The following MGST2 variants were observed in gnomAD, a reference collection of about 807,000 sequenced individuals.
MGST2 encodes glutathione peroxidase MGST2.
MGST2 carries 9 observed loss-of-function variants against 16.6 expected under a neutral mutation model. The ratio of observed to expected loss-of-function variants is 0.54; its 90% CI spans 0.33 to 0.95. The LOEUF is 0.95. MGST2 is among the 40% of genes least tolerant of loss of function. The probability of loss-of-function intolerance (pLI) is 0.03; values close to 1 mark genes in which losing one functional copy is unlikely to be tolerated. For synonymous variants in MGST2, 79 were observed against 68.0 expected (o/e 1.16, Z -0.79); for missense variants, 159 against 175.1 (o/e 0.91, Z 0.52).
chr4:139,680,650 G>A (rs1731194381), intron 2 of MGST2, among the ~76,000 whole-genome samples: 1 of 152,144 alleles, frequency 6.6e-6, no homozygotes, highest in Admixed American at 6.5e-5. Flanking sequence ...CCCTTCAGAA[G>A]CTTCCTGAGA....
chr4:139,672,170 G>A (rs779810527), intron 1 of MGST2, among the ~76,000 whole-genome samples: 7 of 152,158 alleles, frequency 4.6e-5, no homozygotes, highest in South Asian at 2.1e-4. Context: ...TGCAATTAAC[G>A]TAAGAAAAGA....
At chr4:139,734,110 C>T (rs1205084439) in intron 5 of MGST2, among the ~76,000 whole-genome samples, 1 of 152,198 alleles carries the variant, frequency 6.6e-6, no homozygotes, top group Admixed American at 6.5e-5. Flanking sequence ...GAGGTGTATT[C>T]CAAAGTGTGA....
chr4:139,722,295 G>T (rs988269676), intron 5 of MGST2, among the ~76,000 whole-genome samples: 6 of 152,070 alleles, frequency 3.9e-5, no homozygotes, highest in Admixed American at 3.3e-4. Flanking sequence ...TTTAAAATCA[G>T]CAATTGCCAC....
intron 5 of MGST2, among the ~76,000 whole-genome samples, chr4:139,716,272 G>C (rs550913118): frequency 1.3e-5 from 2 of 152,348 alleles, no homozygotes; most frequent in East Asian, 3.9e-4. Context: ...GCCATGGTTT[G>C]AGATGCAAAG....
chr4:139,696,010 T>A (rs1179242515), intron 3 of MGST2, among the ~76,000 whole-genome samples: 3 of 152,228 alleles, frequency 2.0e-5, no homozygotes, highest in African/African-American at 7.2e-5. Context: ...ATGTTTTATG[T>A]ATCATATACT....
chr4:139,738,984 C>T (rs1237692034), intron 5 of MGST2, among the ~76,000 whole-genome samples: 1 of 152,172 alleles, frequency 6.6e-6, no homozygotes, highest in Non-Finnish European at 1.5e-5. Flanking sequence ...CATTTCCTGG[C>T]AGGATGATAT....
At chr4:139,686,068 G>A (rs981493595) in intron 2 of MGST2, among the ~76,000 whole-genome samples, 15 of 152,306 alleles carry the variant, frequency 9.8e-5, no homozygotes, top group South Asian at 6.2e-4. Flanking sequence ...GCAACTTGGC[G>A]TTATACATTT....
chr4:139,707,864 G>T (rs1727582261), downstream of MGST2, among the ~76,000 whole-genome samples: 1 of 152,102 alleles, frequency 6.6e-6, no homozygotes, highest in African/African-American at 2.4e-5. Flanking sequence ...CTTTTGAGAA[G>T]TGTCTGTTCA....
intron 3 of MGST2, among the ~76,000 whole-genome samples, chr4:139,697,742 A>G (rs1217682947): frequency 6.6e-6 from 1 of 152,246 alleles, no homozygotes; most frequent in African/African-American, 2.4e-5. Flanking sequence ...GAATGGATGG[A>G]ATCTACTGTA....
chr4:139,721,509 T>C (rs1560768026), intron 5 of MGST2, among the ~76,000 whole-genome samples: 1 of 152,208 alleles, frequency 6.6e-6, no homozygotes, highest in Non-Finnish European at 1.5e-5. Flanking sequence ...CAGATGAGAA[T>C]AGTCTAACCT....
At chr4:139,720,157 A>G (rs998112049) in intron 5 of MGST2, 1 of 1,614,022 alleles carries the variant, frequency 6.2e-7, no homozygotes, top group East Asian at 2.2e-5. Flanking sequence ...GCGTGGTGCT[A>G]TAAGGGGCCA....
chr4:139,748,895 G>A, the MGST2 span, among the ~76,000 whole-genome samples: 1 of 152,164 alleles, frequency 6.6e-6, no homozygotes, highest in East Asian at 1.9e-4. Context: ...CCTCCGAAGA[G>A]AGCCTCTCTT....
intron 3 of MGST2, among the ~76,000 whole-genome samples, chr4:139,701,864 G>C (rs1727267152): frequency 1.3e-5 from 2 of 152,050 alleles, no homozygotes; most frequent in South Asian, 4.2e-4. Flanking sequence ...CTACTTAGGA[G>C]GCTGAGGTGG....
At chr4:139,691,785 G>A (rs1426793067) in intron 2 of MGST2, among the ~76,000 whole-genome samples, 2 of 151,950 alleles carry the variant, frequency 1.3e-5, no homozygotes, top group African/African-American at 2.4e-5. Context: ...TGCAAGCTCC[G>A]CCTCCTGGGC....
chr4:139,722,316 A>T (rs560724490), intron 5 of MGST2, among the ~76,000 whole-genome samples: 19 of 152,110 alleles, frequency 1.2e-4, no homozygotes, highest in Non-Finnish European at 2.1e-4. Flanking sequence ...ATTCTTTTTC[A>T]CCTAAGGGAA....
At chr4:139,720,149 G>A (rs377241562) in intron 5 of MGST2, 88 of 1,614,062 alleles carry the variant, frequency 5.5e-5, no homozygotes, top group East Asian at 4.2e-4. Context: ...GCTGGTAGGC[G>A]TGGTGCTATA....
At chr4:139,670,251 TGGGGGGCGGGG>T (rs1730603761) in intron 1 of MGST2, among the ~76,000 whole-genome samples, 2 of 92,210 alleles carry the variant, frequency 2.2e-5, no homozygotes, top group African/African-American at 3.4e-5. Flanking sequence ...TTTCCTTCGG[TGGGGGGCGGGG>T]GGGGGGCGGT....
intron 5 of MGST2, among the ~76,000 whole-genome samples, chr4:139,713,379 T>C (rs112432196): frequency 6.9e-6 from 1 of 145,772 alleles, no homozygotes; most frequent in Non-Finnish European, 1.5e-5. Context: ...TTTTTCCCAA[T>C]GAGTCTGTGA....
chr4:139,723,704 T>C (rs957166882), intron 5 of MGST2, among the ~76,000 whole-genome samples: 1 of 152,178 alleles, frequency 6.6e-6, no homozygotes, highest in Non-Finnish European at 1.5e-5. Flanking sequence ...ATAATTCCCC[T>C]TTTCCCCCAC....
Sources: gnomAD v4.1 joint callset for allele counts (sites outside exome capture counted in the v4.1 genomes callset) on GRCh38, gnomAD v4.1.1 for gene constraint, MANE v1.5 for transcripts, NCBI Gene and HGNC (gene_info 2026-07-23, HGNC 2026-07-21) for gene names.